Variants in BEND3 observed in about 807,000 individuals in gnomAD.
BEND3 encodes BEN domain containing 3.
A neutral mutation model predicts 60.1 loss-of-function variants in BEND3; 13 were observed. The ratio of observed to expected loss-of-function variants is 0.22; its 90% confidence interval spans 0.14 to 0.34. The LOEUF is 0.34. Ranked by LOEUF, BEND3 falls within the 10% of genes least tolerant of loss-of-function variation. BEND3 has a pLI of 1.00. For synonymous variants in BEND3, 497 were observed against 491.5 expected (o/e 1.01, Z -0.15); for missense variants, 896 against 1,138.1 (o/e 0.79, Z 3.06).
intron 1 of BEND3, among the ~76,000 whole-genome samples, chr6:107,111,507 T>G (rs1770087454): frequency 3.2e-5 from 1 of 30,828 alleles, no homozygotes; most frequent in South Asian, 3.5e-3. Flanking sequence ...TGAGACTGCA[T>G]CTCAGAAAAA....
At chr6:107,114,600 C>G (rs1248843151) in intron 1 of BEND3, among the ~76,000 whole-genome samples, 2 of 150,920 alleles carry the variant, frequency 1.3e-5, no homozygotes, top group African/African-American at 4.8e-5. Context: ...TTCCACACGC[C>G]GAGCAGTGCC....
intron 3 of BEND3, among the ~76,000 whole-genome samples, chr6:107,090,600 G>A (rs574465152): frequency 3.3e-5 from 5 of 152,102 alleles, no homozygotes; most frequent in Admixed American, 6.5e-5. Context: ...GCGTGTGCAC[G>A]CACTTATATA....
chr6:107,111,331 T>C (rs1338271188), intron 1 of BEND3, among the ~76,000 whole-genome samples: 3 of 152,044 alleles, frequency 2.0e-5, no homozygotes, highest in Non-Finnish European at 4.4e-5. Flanking sequence ...GCCAACATGG[T>C]GAAACCCCGT....
chr6:107,069,588 C>G lies in BEND3; in HGVS notation c.1603G>C (p.Asp535His). ...RSKKIWLVPI[D>H]FDKLEIPQPD... The stretch of plus-strand genomic sequence containing the variant: ...TGGGGGATCTCTAACTTGTCGAAGT[C>G]GATGGGCACCAGCCAGATCTTCTTG... The change falls in exon 4 of 4, where the codon GAC becomes CAC. Residue 535 changes from aspartate (D) to histidine (H), a missense_variant. Asp to His is a moderately conservative substitution (Grantham distance 81, BLOSUM62 -1). Coordinates refer to ENST00000369042, the MANE Select transcript of BEND3 (RefSeq NM_001367314.1). 6.2e-7 allele frequency: 1 copy of G among 1,612,758 alleles called. No individual in the cohort carries two copies. Among genetic ancestry groups the G allele is most frequent in the Non-Finnish European group, 8.5e-7 (1 of 1,180,028 alleles).
At chr6:107,071,685 T>C (rs781813182) in intron 3 of BEND3, among the ~76,000 whole-genome samples, 2 of 152,174 alleles carry the variant, frequency 1.3e-5, no homozygotes, top group Non-Finnish European at 2.9e-5. Context: ...ATTCATACAA[T>C]GGAATATTAC....
Position 107,094,513 on chromosome 6 carries a change from C to G in BEND3, c.240+4038G>C, listed in dbSNP as rs200017602. On this transcript the variant is annotated intron_variant, in intron 3 of 3. Coordinates refer to ENST00000369042, the MANE Select transcript of BEND3 (RefSeq NM_001367314.1). ...GTGCGTGCCTGTAATTCCAGCTACTCGGGAGGCTGAGGCAGGAGAATCGCT... is the reference window on the plus strand; with the variant it reads ...GTGCGTGCCTGTAATTCCAGCTACTGGGGAGGCTGAGGCAGGAGAATCGCT... Among the ~76,000 whole-genome samples, 169 of 151,706 alleles carry G rather than the reference C, an allele frequency of 1.1e-3. 2 individuals carry two copies. In the East Asian group the frequency reaches 0.029, roughly 26 times the overall value.
At chr6:107,110,362 G>C (rs781892003) in intron 1 of BEND3, among the ~76,000 whole-genome samples, 19 of 152,204 alleles carry the variant, frequency 1.2e-4, no homozygotes, top group Non-Finnish European at 2.6e-4. Context: ...CTCTTAGTTT[G>C]ACATGTGTGG....
intron 3 of BEND3, among the ~76,000 whole-genome samples, chr6:107,085,211 T>C (rs918943043): frequency 9.9e-5 from 15 of 152,000 alleles, no homozygotes; most frequent in African/African-American, 3.6e-4. Context: ...TCCCAACACA[T>C]CTGAACATCT....
intron 3 of BEND3, among the ~76,000 whole-genome samples, chr6:107,088,664 T>G (rs894436302): frequency 1.3e-5 from 2 of 152,128 alleles, no homozygotes; most frequent in Non-Finnish European, 2.9e-5. Flanking sequence ...TACATTCTCC[T>G]TAGAAACTGT....
At chr6:107,081,376 A>T (rs1300567093) in intron 3 of BEND3, among the ~76,000 whole-genome samples, 3 of 151,452 alleles carry the variant, frequency 2.0e-5, no homozygotes, top group Non-Finnish European at 2.9e-5. Flanking sequence ...GCCCACCACT[A>T]CGCCTGGCTA....
chr6:107,104,881 T>A (rs1014844911), intron 1 of BEND3, among the ~76,000 whole-genome samples: 2 of 151,894 alleles, frequency 1.3e-5, no homozygotes, highest in African/African-American at 4.8e-5. Flanking sequence ...CCCAAGCTGG[T>A]CTCAAACTCT....
chr6:107,092,140 T>C (rs1775489892), intron 3 of BEND3, among the ~76,000 whole-genome samples: 2 of 151,746 alleles, frequency 1.3e-5, no homozygotes, highest in African/African-American at 4.8e-5. Context: ...GCCTGTAGTC[T>C]CAGCTACTCG....
chr6:107,069,451 G>C lies in BEND3; in HGVS notation c.1740C>G (p.His580Gln), dbSNP rs376900922. 1.9e-6 allele frequency: 3 copies of C among 1,611,146 alleles called. No individual in the cohort carries two copies. The African/African-American group carries it at 4.0e-5, about 22-fold the overall frequency. ...CGTGCGTGAAGAGCTCGGGGAACAGGTGCACCAGCAGGCGCGAGGCGAAGT... is the reference window on the plus strand; with the variant it reads ...CGTGCGTGAAGAGCTCGGGGAACAGCTGCACCAGCAGGCGCGAGGCGAAGT... ...IGNFASRLLVHLFPELFTHEN... is the reference protein window; with the variant it reads ...IGNFASRLLVQLFPELFTHEN... Residue 580 changes from histidine (H) to glutamine (Q), a missense_variant, in exon 4 of 4, where the codon CAC (histidine) becomes CAG (glutamine). Physicochemically the swap from His to Gln is conservative, Grantham distance 24. Coordinates refer to ENST00000369042, the MANE Select transcript of BEND3 (RefSeq NM_001367314.1).
At chr6:107,099,320 G>A in intron 1 of BEND3, 24 bp from the exon 2 acceptor site, 1 of 1,584,956 alleles carries the variant, frequency 6.3e-7, no homozygotes, top group Non-Finnish European at 8.6e-7. Flanking sequence ...CAAAGACAAT[G>A]TGTTGACTTA....
intron 3 of BEND3, among the ~76,000 whole-genome samples, chr6:107,085,141 T>C (rs1775315939): frequency 6.6e-6 from 1 of 151,382 alleles, no homozygotes; most frequent in Non-Finnish European, 1.5e-5. Context: ...TAACACTCAC[T>C]GCGAAGGTCT....
chr6:107,101,642 C>T (rs188120719), intron 1 of BEND3, among the ~76,000 whole-genome samples: 4 of 152,266 alleles, frequency 2.6e-5, no homozygotes, highest in East Asian at 1.9e-4. Context: ...TTCAAGGGTC[C>T]GAGAACTATT....
chr6:107,101,370 G>A (rs1307775561), intron 1 of BEND3, among the ~76,000 whole-genome samples: 2 of 152,170 alleles, frequency 1.3e-5, no homozygotes, highest in African/African-American at 4.8e-5. Context: ...TGATCCATGA[G>A]CACAATCATC....
At chr6:107,090,891 C>T (rs1333970743) in intron 3 of BEND3, among the ~76,000 whole-genome samples, 2 of 152,038 alleles carry the variant, frequency 1.3e-5, no homozygotes, top group African/African-American at 4.8e-5. Flanking sequence ...CAGTGGATCA[C>T]CTGAGGTCAG....
intron 1 of BEND3, among the ~76,000 whole-genome samples, chr6:107,113,453 AC>A (rs55900487): frequency 0.27 from 8,616 of 32,246 alleles, 1,417 homozygotes; most frequent in South Asian, 0.4. Flanking sequence ...AAAAAAAAAA[AC>A]AAAAAAAAAA....
Sources: allele counts gnomAD v4.1 joint callset (sites outside exome capture counted in the v4.1 genomes callset), GRCh38; gene constraint gnomAD v4.1.1; transcripts MANE v1.5; gene names NCBI Gene and HGNC (gene_info 2026-07-23, HGNC 2026-07-21).